The following EGFLAM variants were observed in gnomAD, a reference collection of about 807,000 sequenced individuals.
EGFLAM encodes EGF like, fibronectin type III and laminin G domains.
EGFLAM carries 79 observed loss-of-function variants against 113.1 expected under a neutral mutation model. The observed-to-expected ratio is 0.70, with a 90% CI of 0.58 to 0.84. The LOEUF is 0.84. Ranked by LOEUF, EGFLAM falls within the 40% of genes least tolerant of loss-of-function variation. The pLI is 0.00. For synonymous variants in EGFLAM, 504 were observed against 487.6 expected (o/e 1.03, Z -0.44); for missense variants, 1,265 against 1,291.6 (o/e 0.98, Z 0.32).
At chr5:38,294,140 G>A (rs185571419) in intron 1 of EGFLAM, among the ~76,000 whole-genome samples, 1 of 152,276 alleles carries the variant, frequency 6.6e-6, no homozygotes, top group Admixed American at 6.5e-5. Context: ...CAAGCTGCAG[G>A]TTCTCATGGG....
intron 3 of EGFLAM, 148 bp downstream of exon 3, chr5:38,338,929 A>G (rs180792455): frequency 5.5e-6 from 4 of 725,190 alleles, no homozygotes; most frequent in African/African-American, 1.8e-5. Flanking sequence ...TCATTCATGT[A>G]CATTTCCTCT....
intron 15 of EGFLAM, among the ~76,000 whole-genome samples, chr5:38,434,362 G>A (rs967153982): frequency 6.6e-6 from 1 of 152,168 alleles, no homozygotes; most frequent in East Asian, 1.9e-4. Context: ...TTACTTGTCT[G>A]TATTCCCTGC....
chr5:38,417,881 G>A (rs975406534), intron 11 of EGFLAM, among the ~76,000 whole-genome samples, 185 bp from the exon 12 acceptor site: 12 of 152,114 alleles, frequency 7.9e-5, no homozygotes, highest in African/African-American at 2.9e-4. Context: ...GAAACTCACT[G>A]AGCTCCCTAC....
chr5:38,462,972 A>G lies in EGFLAM; in HGVS notation c.2836A>G (p.Met946Val), dbSNP rs1743340551. 1 of 1,614,050 alleles carries G rather than the reference A, an allele frequency of 6.2e-7. No individual in the cohort carries two copies. Among genetic ancestry groups the G allele is most frequent in the African/African-American group, 1.3e-5 (1 of 74,928 alleles). Residue 946 changes from methionine to valine, a missense_variant, in exon 21 of 22, where the codon ATG becomes GTG. Met to Val is a conservative substitution (Grantham distance 21). Coordinates refer to ENST00000322350, the MANE Select transcript of EGFLAM (RefSeq NM_152403.4). ...AGCCAGAACAGGCAAATCCCCAGGC[A>G]TGATGCGGCAGCTTAACATCAATGG... ...YGARTGKSPG[M>V]MRQLNINGAL...
intron 20 of EGFLAM, among the ~76,000 whole-genome samples, chr5:38,459,534 A>G (rs928976486): frequency 6.6e-6 from 1 of 152,238 alleles, no homozygotes; most frequent in Non-Finnish European, 1.5e-5. Context: ...AAACTTAGAA[A>G]TGTCAATCTC....
At chr5:38,318,425 A>G (rs2111884601) in intron 1 of EGFLAM, among the ~76,000 whole-genome samples, 1 of 151,472 alleles carries the variant, frequency 6.6e-6, no homozygotes, top group African/African-American at 2.4e-5. Flanking sequence ...AGTATAGTAT[A>G]TGCTATATAT....
chr5:38,431,119 C>A, intron 14 of EGFLAM, 58 bp from the exon 15 acceptor site: 2 of 1,459,774 alleles, frequency 1.4e-6, no homozygotes, highest in Non-Finnish European at 1.9e-6. Context: ...GCTATCTGGG[C>A]ATTCCTTATC....
intron 1 of EGFLAM, among the ~76,000 whole-genome samples, chr5:38,287,150 C>T (rs1378142009): frequency 6.6e-6 from 1 of 152,206 alleles, no homozygotes; most frequent in Non-Finnish European, 1.5e-5. Context: ...GATCTTGAAG[C>T]CAGGTAGATG....
intron 3 of EGFLAM, among the ~76,000 whole-genome samples, chr5:38,347,519 G>A (rs1040625108): frequency 6.6e-6 from 1 of 152,090 alleles, no homozygotes; most frequent in South Asian, 2.1e-4. Context: ...ATGAGGTAAC[G>A]TCTCAGCTGA....
chr5:38,418,013 G>A, intron 11 of EGFLAM, 53 bp from the exon 12 acceptor site: 2 of 1,543,278 alleles, frequency 1.3e-6, no homozygotes, highest in Non-Finnish European at 1.8e-6. Flanking sequence ...GGTGTGTTTT[G>A]GCTTTTGATT....
chr5:38,462,697 TCA>T, intron 20 of EGFLAM: 1 of 522,774 alleles, frequency 1.9e-6, no homozygotes, highest in Non-Finnish European at 3.4e-6. Context: ...GTGTTGTCAT[TCA>T]CAGTTTGACT....
intron 1 of EGFLAM, among the ~76,000 whole-genome samples, chr5:38,277,458 T>C (rs2111740012): frequency 6.9e-6 from 1 of 145,142 alleles, no homozygotes; most frequent in African/African-American, 2.5e-5. Context: ...GCCAATACAC[T>C]GAACAAGGAA....
chr5:38,347,851 T>C (rs924946913), intron 3 of EGFLAM, among the ~76,000 whole-genome samples: 11 of 152,146 alleles, frequency 7.2e-5, no homozygotes, highest in African/African-American at 1.9e-4. Flanking sequence ...CAGTGCAGCA[T>C]TGGTGGCAGG....
chr5:38,392,629 T>TTG (rs747307665), intron 6 of EGFLAM, among the ~76,000 whole-genome samples: 2,794 of 148,134 alleles, frequency 0.019, 87 homozygotes, highest in African/African-American at 0.066. Flanking sequence ...TCTTTTTTTT[T>TTG]GGGGGGGCGG....
At chr5:38,335,363 A>G (rs1739157198) in intron 1 of EGFLAM, among the ~76,000 whole-genome samples, 1 of 152,214 alleles carries the variant, frequency 6.6e-6, no homozygotes, top group Non-Finnish European at 1.5e-5. Flanking sequence ...TAGTTAATGT[A>G]CATGCGTGCT....
chr5:38,321,089 A>T (rs1400283380), intron 1 of EGFLAM, among the ~76,000 whole-genome samples: 1 of 152,172 alleles, frequency 6.6e-6, no homozygotes, highest in Non-Finnish European at 1.5e-5. Flanking sequence ...ATAATGAAGT[A>T]ATTATTTCTT....
chr5:38,272,447 C>T (rs757158158), intron 1 of EGFLAM, among the ~76,000 whole-genome samples: 4 of 152,062 alleles, frequency 2.6e-5, no homozygotes, highest in Admixed American at 6.6e-5. Context: ...GGTCAAGTTG[C>T]GGGAAAAGGA....
chr5:38,391,213 C>T (rs1474967738), intron 6 of EGFLAM, among the ~76,000 whole-genome samples: 1 of 151,974 alleles, frequency 6.6e-6, no homozygotes, highest in Non-Finnish European at 1.5e-5. Context: ...AACCAGTTTC[C>T]CCAGCACCAA....
At position 38,407,851 on chromosome 5, in the gene EGFLAM, G is replaced by A. The variant is rs138226534; in HGVS notation, c.1194G>A (p.Thr398=). 4.4e-5 allele frequency: 71 copies of A among 1,613,818 alleles called. No homozygotes were observed. In the African/African-American group the frequency reaches 5.1e-4, roughly 12 times the overall value. ...AGTTCTTTGGCCACTCCTATGTAAC[G>A]TTTGAACCTCTGAAGAATTCTTATC... is the stretch of plus-strand genomic sequence containing the variant. ...YPQFFGHSYV[T]FEPLKNSYQA... is the part of the protein sequence containing the mutation. The change falls in exon 9 of 22, where the codon ACG becomes ACA. Residue 398 remains threonine, a synonymous_variant. Coordinates refer to ENST00000322350, the MANE Select transcript of EGFLAM (RefSeq NM_152403.4).
Sources: allele counts gnomAD v4.1 joint callset (sites outside exome capture counted in the v4.1 genomes callset), GRCh38; gene constraint gnomAD v4.1.1; transcripts MANE v1.5; gene names NCBI Gene and HGNC (gene_info 2026-07-23, HGNC 2026-07-21).